SH3TC2: variants seen among roughly 807,000 people sequenced by gnomAD.
SH3TC2 encodes SH3 domain and tetratricopeptide repeat-containing protein 2.
Under a neutral mutation model 124.5 loss-of-function variants are expected in SH3TC2, and 87 were observed. The ratio of observed to expected loss-of-function variants is 0.70; its 90% CI spans 0.59 to 0.84. The LOEUF is 0.84. SH3TC2 is among the 40% of genes least tolerant of loss of function. The pLI, the probability that SH3TC2 is intolerant of heterozygous loss-of-function variation, is 0.00. For synonymous variants in SH3TC2, 634 were observed against 628.5 expected, an observed-to-expected ratio of 1.01 and a Z score of -0.13; for missense variants, 1,536 against 1,566.4, an observed-to-expected ratio of 0.98 and a Z score of 0.33.
At chr5:149,044,732 AT>A (rs1754429465) in intron 3 of SH3TC2, 94 bp from the exon 4 acceptor site, 2 of 900,040 alleles carry the variant, frequency 2.2e-6, no homozygotes, top group East Asian at 5.1e-5. Flanking sequence ...GAACTTCTTG[AT>A]TATGGCATTG....
chr5:149,009,988 C>T (rs1184864522), intron 14 of SH3TC2, among the ~76,000 whole-genome samples: 1 of 152,110 alleles, frequency 6.6e-6, no homozygotes, highest in Admixed American at 6.5e-5. Flanking sequence ...GTACCATGCA[C>T]CCAAGAGTCT....
chr5:149,042,324 C>G (rs998918543), intron 5 of SH3TC2, among the ~76,000 whole-genome samples: 1 of 152,168 alleles, frequency 6.6e-6, no homozygotes, highest in African/African-American at 2.4e-5. Flanking sequence ...AATTTTATCA[C>G]GTTTGGAAAA....
intron 12 of SH3TC2, among the ~76,000 whole-genome samples, chr5:149,013,283 CAGTGAGTCTCATGAG>C (rs71701545): frequency 0.17 from 25,373 of 151,980 alleles, 2,465 homozygotes; most frequent in East Asian, 0.24. Context: ...GTTCTCATGA[CAGTGAGTCTCATGAG>C]ATCTGATGGT....
intron 16 of SH3TC2, chr5:149,006,227 C>T (rs919633750): frequency 5.0e-5 from 8 of 159,770 alleles, no homozygotes; most frequent in Admixed American, 5.9e-5. Flanking sequence ...CCATGCTACT[C>T]CAGCCTGGGC....
intron 13 of SH3TC2, among the ~76,000 whole-genome samples, chr5:149,012,095 T>C (rs1753792895): frequency 6.6e-6 from 1 of 152,168 alleles, no homozygotes; most frequent in Non-Finnish European, 1.5e-5. Context: ...GGGATTTGAC[T>C]CTAGGCTTTT....
intron 16 of SH3TC2, among the ~76,000 whole-genome samples, chr5:149,005,350 A>G (rs1753669255): frequency 6.6e-6 from 1 of 152,242 alleles, no homozygotes; most frequent in South Asian, 2.1e-4. Flanking sequence ...AAAGCAAAGT[A>G]GAAACATACA....
intron 1 of SH3TC2, among the ~76,000 whole-genome samples, chr5:149,062,161 A>C (rs1754763114): frequency 6.6e-6 from 1 of 152,060 alleles, no homozygotes; most frequent in Non-Finnish European, 1.5e-5. Context: ...GTTAGGAATG[A>C]TTCCTTGGAG....
Sources: allele counts gnomAD v4.1 joint callset (sites outside exome capture counted in the v4.1 genomes callset), GRCh38; gene constraint gnomAD v4.1.1; transcripts MANE v1.5; gene names NCBI Gene and HGNC (gene_info 2026-07-23, HGNC 2026-07-21).